The following POU6F2 variants were observed in gnomAD, a reference collection of about 807,000 sequenced individuals.
POU6F2 encodes the protein POU class 6 homeobox 2, also known as POU domain, class 6, transcription factor 2.
POU6F2 carries 31 observed loss-of-function variants against 71.3 expected under a neutral mutation model. That is an observed-to-expected ratio of 0.43 (90% CI 0.33 to 0.59). POU6F2 has a LOEUF of 0.59. Among genes scored for constraint, POU6F2 ranks in the 20% least tolerant of loss-of-function variants. POU6F2 has a pLI of 0.04. For synonymous variants in POU6F2, 347 were observed against 355.7 expected, an observed-to-expected ratio of 0.98 and a Z score of 0.27; for missense variants, 783 against 856.8, an observed-to-expected ratio of 0.91 and a Z score of 1.07.
In POU6F2 at chr7:39,457,600, A is replaced by C. The variant is rs141502752; in HGVS notation, c.1490-2947A>C. ...ATGGCACACAGAGTGCACCACACCC[A>C]GACTTGGTCAAGCCAGGGCCACAAA... On this transcript the variant is annotated intron_variant, in intron 8 of 9. Coordinates refer to ENST00000518318, the MANE Select transcript of POU6F2 (RefSeq NM_001370959.1). Among the ~76,000 whole-genome samples, 86 of 152,330 alleles carry C rather than the reference A, an allele frequency of 5.6e-4. No homozygotes were observed. The East Asian group carries it at 0.014, about 24-fold the overall frequency.
chr7:39,444,381 C>T (rs1203068340), intron 7 of POU6F2, among the ~76,000 whole-genome samples: 2 of 152,134 alleles, frequency 1.3e-5, no homozygotes, highest in Non-Finnish European at 2.9e-5. Flanking sequence ...CTCAGGAGTT[C>T]GAGACCACCC....
intron 2 of POU6F2, among the ~76,000 whole-genome samples, chr7:39,103,030 TAATAAC>T (rs150971100): frequency 0.3 from 45,283 of 151,700 alleles, 7,008 homozygotes; most frequent in South Asian, 0.45. Context: ...TATCAACAAA[TAATAAC>T]AAAACAAAGA....
At chr7:39,042,555 A>G (rs961205533) in intron 1 of POU6F2, among the ~76,000 whole-genome samples, 1 of 152,010 alleles carries the variant, frequency 6.6e-6, no homozygotes, top group African/African-American at 2.4e-5. Context: ...AGCATGAACA[A>G]GAAAAAAATG....
At chr7:39,073,658 A>AC (rs1454841674) in intron 1 of POU6F2, among the ~76,000 whole-genome samples, 1 of 152,240 alleles carries the variant, frequency 6.6e-6, no homozygotes, top group African/African-American at 2.4e-5. Context: ...CCGTGTACAG[A>AC]CCCAAGGCAG....
chr7:39,052,056 G>C (rs1015781785), intron 1 of POU6F2, among the ~76,000 whole-genome samples: 1 of 152,084 alleles, frequency 6.6e-6, no homozygotes, highest in African/African-American at 2.4e-5. Flanking sequence ...TTATTTGGGT[G>C]TCAGTGCTGA....
intron 2 of POU6F2, among the ~76,000 whole-genome samples, chr7:39,122,387 A>G (rs1482352113): frequency 6.6e-6 from 1 of 152,242 alleles, no homozygotes; most frequent in East Asian, 1.9e-4. Context: ...GGACAAGTTA[A>G]TCTCTAAAGA....
chr7:39,011,739 C>T (rs1352081992), intron 1 of POU6F2, among the ~76,000 whole-genome samples: 207 of 150,082 alleles, frequency 1.4e-3, no homozygotes, highest in African/African-American at 4.7e-3. Flanking sequence ...AATCTCTCAG[C>T]ATTTGCTTGT....
intron 6 of POU6F2, among the ~76,000 whole-genome samples, chr7:39,413,184 TAA>T (rs1787592872): frequency 6.6e-6 from 1 of 151,968 alleles, no homozygotes; most frequent in Non-Finnish European, 1.5e-5. Context: ...TAATTAATTT[TAA>T]AAAATTTTAA....
intron 1 of POU6F2, among the ~76,000 whole-genome samples, chr7:39,065,720 AG>A (rs1430169638): frequency 3.3e-5 from 5 of 151,670 alleles, no homozygotes; most frequent in African/African-American, 1.2e-4. Flanking sequence ...TTATAAGAAA[AG>A]ATGAATGATC....
Position 39,460,849 on chromosome 7 carries a change from A to T in POU6F2, c.1658+134A>T. 7.4e-6 allele frequency: 8 copies of T among 1,083,444 alleles called. No individual in the cohort carries two copies. Among genetic ancestry groups the T allele is most frequent in the Non-Finnish European group, 1.0e-5 (8 of 791,968 alleles). The allele number at this position is 1,083,444 out of a possible 1,614,324, so 67.1% of individuals were successfully genotyped here. On this transcript the variant is annotated intron_variant, in intron 9 of 9. Coordinates refer to ENST00000518318, the MANE Select transcript of POU6F2 (RefSeq NM_001370959.1). The surrounding 1 kb of genome is among the most constrained non-coding windows in gnomAD (Gnocchi z 4.4). Reference sequence around the variant, plus strand: ...GGGAACAAAGTTTGGGGGCAGCTATATGTTGGGATTGGTGATCTTGATGCA... The same window carrying T: ...GGGAACAAAGTTTGGGGGCAGCTATTTGTTGGGATTGGTGATCTTGATGCA...
chr7:39,430,808 A>G (rs1788082915), intron 6 of POU6F2, among the ~76,000 whole-genome samples: 1 of 152,186 alleles, frequency 6.6e-6, no homozygotes, highest in Admixed American at 6.5e-5. Flanking sequence ...TCCAGCTTCC[A>G]CAGGCTTTCA....
chr7:39,316,855 T>C (rs371357581), intron 4 of POU6F2, among the ~76,000 whole-genome samples: 2 of 152,140 alleles, frequency 1.3e-5, no homozygotes, highest in African/African-American at 4.8e-5. Flanking sequence ...GTTAACCACC[T>C]AATAATAAAA....
chr7:39,215,758 C>A (rs1233580336), intron 4 of POU6F2, among the ~76,000 whole-genome samples: 3 of 152,160 alleles, frequency 2.0e-5, no homozygotes, highest in African/African-American at 7.2e-5. Flanking sequence ...CTCTACACTG[C>A]ACAGAGACCC....
intron 6 of POU6F2, among the ~76,000 whole-genome samples, chr7:39,413,003 A>G (rs1583582825): frequency 1.3e-5 from 2 of 149,924 alleles, no homozygotes; most frequent in African/African-American, 4.9e-5. Flanking sequence ...ACGGGGTTTC[A>G]CCGTGTTAGC....
chr7:39,204,150 CATATCATCTATGCCTTAAT>C, intron 2 of POU6F2, 66 bp from the exon 3 acceptor site: 1 of 1,140,328 alleles, frequency 8.8e-7, no homozygotes, highest in Non-Finnish European at 1.3e-6. Context: ...ACCACTCTGT[CATATCATCTATGCCTTAAT>C]GTTATGTGAC....
chr7:39,122,704 A>ATTTT (rs1199309217), intron 2 of POU6F2, among the ~76,000 whole-genome samples: 1 of 117,146 alleles, frequency 8.5e-6, no homozygotes, highest in Non-Finnish European at 1.8e-5. Context: ...ATGCATGCCT[A>ATTTT]TTTTTTTTTT....
At chr7:39,456,179 C>T (rs761570652) in intron 8 of POU6F2, among the ~76,000 whole-genome samples, 17 of 152,158 alleles carry the variant, frequency 1.1e-4, no homozygotes, top group Non-Finnish European at 2.5e-4. Context: ...GTGCTGGATC[C>T]ACCTTGTGAG....
chr7:39,273,031 T>C (rs1784367035), intron 4 of POU6F2, among the ~76,000 whole-genome samples: 2 of 152,214 alleles, frequency 1.3e-5, no homozygotes, highest in South Asian at 4.2e-4. Context: ...GAATATGATA[T>C]TTTGCAGGAT....
intron 9 of POU6F2, among the ~76,000 whole-genome samples, chr7:39,463,140 A>G (rs1239723738): frequency 2.0e-5 from 3 of 152,244 alleles, no homozygotes; most frequent in South Asian, 2.1e-4. Context: ...TGGATTTAGA[A>G]TAAACAAACA....
Sources: gnomAD v4.1 joint callset for allele counts (sites outside exome capture counted in the v4.1 genomes callset) on GRCh38, gnomAD v4.1.1 for gene constraint, Gnocchi (gnomAD v3.1) non-coding constraint, MANE v1.5 for transcripts, NCBI Gene and HGNC (gene_info 2026-07-23, HGNC 2026-07-21) for gene names.